Variants in CHN2 observed in about 807,000 individuals in gnomAD.
CHN2 encodes the protein beta-chimaerin.
Under a neutral mutation model 56.3 loss-of-function variants are expected in CHN2, and 35 were observed. The observed-to-expected ratio is 0.62, with a 90% CI of 0.47 to 0.82. The LOEUF (loss-of-function observed/expected upper bound fraction) is 0.82. CHN2 is among the 40% of genes least tolerant of loss of function. The pLI, the probability that CHN2 is intolerant of heterozygous loss-of-function variation, is 0.00. For missense variants in CHN2, 491 were observed against 580.5 expected (o/e 0.85, Z 1.58); for synonymous variants, 210 against 212.8 (o/e 0.99, Z 0.12).
Position 29,405,709 on chromosome 7 carries a change from GT to G in CHN2, c.576+4884del, listed in dbSNP as rs1381739052. ...CTGGGTTGTCCTTTACAGATGAACTGTTTCATCAGAGAACAACCTCTCCCCT... is the reference window on the plus strand; with the variant it reads ...CTGGGTTGTCCTTTACAGATGAACTGTTCATCAGAGAACAACCTCTCCCCT... On this transcript the variant is annotated intron_variant, in intron 6 of 12. Transcript: ENST00000222792. Among the ~76,000 whole-genome samples, 6 of 152,158 alleles carry G rather than the reference GT, an allele frequency of 3.9e-5. 1 individual carries two copies. The highest frequency in any genetic ancestry group is 3.9e-4 in the Admixed American group (6 of 15,284).
chr7:29,435,079 G>A (rs780019436), intron 6 of CHN2, among the ~76,000 whole-genome samples: 2 of 152,076 alleles, frequency 1.3e-5, no homozygotes, highest in South Asian at 2.1e-4. Flanking sequence ...GCAACAGAGC[G>A]AGACCCTGTC....
chr7:29,404,865 A>C (rs1385675250), intron 6 of CHN2, among the ~76,000 whole-genome samples: 1 of 151,390 alleles, frequency 6.6e-6, no homozygotes, highest in African/African-American at 2.5e-5. Context: ...GCATCCAGCC[A>C]AAAAAAGCTT....
intron 7 of CHN2, among the ~76,000 whole-genome samples, chr7:29,485,140 A>C (rs1206000092): frequency 1.1e-4 from 16 of 152,204 alleles, no homozygotes; most frequent in Non-Finnish European, 2.9e-5. Flanking sequence ...AGCAAGTTGA[A>C]AGTGTCTATT....
chr7:29,314,216 G>A (rs960677909), intron 1 of CHN2, among the ~76,000 whole-genome samples: 12 of 152,288 alleles, frequency 7.9e-5, no homozygotes, highest in Middle Eastern at 3.4e-3. Context: ...AGCCTTAAAA[G>A]GAAGGATATT....
intron 1 of CHN2, among the ~76,000 whole-genome samples, chr7:29,274,618 C>T (rs1467253159): frequency 6.6e-6 from 1 of 152,156 alleles, no homozygotes; most frequent in Non-Finnish European, 1.5e-5. Flanking sequence ...TAGTTTCACT[C>T]AGCGCCAGTC....
chr7:29,498,446 C>G (rs1306493368), intron 8 of CHN2, among the ~76,000 whole-genome samples: 3 of 152,068 alleles, frequency 2.0e-5, no homozygotes, highest in African/African-American at 7.2e-5. Flanking sequence ...TTAATTAGAA[C>G]TGTTTTTGTT....
At chr7:29,368,169 A>G (rs1420020322) in intron 3 of CHN2, among the ~76,000 whole-genome samples, 182 bp downstream of exon 3, 2 of 152,192 alleles carry the variant, frequency 1.3e-5, no homozygotes, top group South Asian at 2.1e-4. Context: ...AAAAAATACT[A>G]ACAAACCAAC....
chr7:29,251,574 T>C (rs1268622531), intron 1 of CHN2, among the ~76,000 whole-genome samples: 1 of 152,272 alleles, frequency 6.6e-6, no homozygotes, highest in African/African-American at 2.4e-5. Flanking sequence ...TGGTGAGTAC[T>C]GAATAAATGC....
intron 1 of CHN2, among the ~76,000 whole-genome samples, chr7:29,269,803 G>A (rs1350595731): frequency 6.6e-6 from 1 of 152,214 alleles, no homozygotes; most frequent in African/African-American, 2.4e-5. Context: ...CAGGGGCTGG[G>A]AACGGTGTGG....
chr7:29,368,402 T>A (rs763019371), intron 3 of CHN2, among the ~76,000 whole-genome samples: 2 of 152,170 alleles, frequency 1.3e-5, no homozygotes, highest in Non-Finnish European at 2.9e-5. Flanking sequence ...CTTTGTCATA[T>A]TTATATGACA....
intron 7 of CHN2, among the ~76,000 whole-genome samples, chr7:29,482,834 T>G (rs113678894): frequency 1.3e-5 from 1 of 76,786 alleles, no homozygotes; most frequent in Non-Finnish European, 2.4e-5. Flanking sequence ...TTTTTTTTTT[T>G]TTTTTGAGAC....
chr7:29,274,571 C>G (rs1791025562), intron 1 of CHN2, among the ~76,000 whole-genome samples: 1 of 152,112 alleles, frequency 6.6e-6, no homozygotes, highest in South Asian at 2.1e-4. Flanking sequence ...GCGAAATAAG[C>G]ATGAATGGAA....
chr7:29,430,195 G>A (rs1782737519), intron 6 of CHN2, among the ~76,000 whole-genome samples: 1 of 152,192 alleles, frequency 6.6e-6, no homozygotes, highest in South Asian at 2.1e-4. Context: ...GCCAAGATAT[G>A]GTGGTTTCAG....
intron 2 of CHN2, among the ~76,000 whole-genome samples, chr7:29,166,019 C>T (rs1392551813): frequency 6.6e-6 from 1 of 151,924 alleles, no homozygotes; most frequent in Non-Finnish European, 1.5e-5. Context: ...GATTGAGTTG[C>T]AAAGTGGGTT....
intron 1 of CHN2, among the ~76,000 whole-genome samples, chr7:29,323,942 T>G (rs569919694): frequency 6.3e-4 from 95 of 151,972 alleles, no homozygotes; most frequent in Non-Finnish European, 1.2e-4. Context: ...AGGCGGAGCT[T>G]GCAGTGAGCA....
intron 6 of CHN2, among the ~76,000 whole-genome samples, chr7:29,409,999 C>T (rs1483168113): frequency 2.0e-5 from 3 of 152,196 alleles, no homozygotes; most frequent in Non-Finnish European, 4.4e-5. Context: ...GGACCTGACC[C>T]ACCAAGCGCC....
chr7:29,376,605 G>A (rs1761429015), intron 3 of CHN2: 1 of 152,234 alleles, frequency 6.6e-6, no homozygotes, highest in Non-Finnish European at 1.5e-5. Context: ...GACTGTTCTT[G>A]CTTCTCTCTG....
At chr7:29,216,600 C>A (rs1443878869) in intron 1 of CHN2, among the ~76,000 whole-genome samples, 1 of 152,198 alleles carries the variant, frequency 6.6e-6, no homozygotes, top group Non-Finnish European at 1.5e-5. Context: ...TCTTCTCTCT[C>A]CCCAGCCTCT....
rs2128913488 is a variant in CHN2, at chr7:29,341,132, ATCTTTCAGGTTCT to A, written c.50-13488_50-13476del. ...GAGCTGGGGCAAGAAACCCACTGTC[ATCTTTCAGGTTCT>A]TCTTGGTTATTGACAAGAGCACGGT... On this transcript the variant is annotated intron_variant, in intron 1 of 12. Coordinates refer to ENST00000222792, the MANE Select transcript of CHN2 (RefSeq NM_004067.4). Among the ~76,000 whole-genome samples, 3 of 152,276 alleles carry A rather than the reference ATCTTTCAGGTTCT, an allele frequency of 2.0e-5. No homozygotes were observed. The South Asian group carries it at 6.2e-4, about 32-fold the overall frequency.
Sources: allele counts gnomAD v4.1 joint callset (sites outside exome capture counted in the v4.1 genomes callset), GRCh38; gene constraint gnomAD v4.1.1; transcripts MANE v1.5; gene names NCBI Gene and HGNC (gene_info 2026-07-23, HGNC 2026-07-21).